DCLK2: variants seen among roughly 807,000 people sequenced by gnomAD.
The protein encoded by DCLK2 is serine/threonine-protein kinase DCLK2.
DCLK2 carries 31 observed loss-of-function variants against 78.4 expected under a neutral mutation model. The ratio of observed to expected loss-of-function variants is 0.40; its 90% CI spans 0.30 to 0.53. The LOEUF (loss-of-function observed/expected upper bound fraction) is 0.53, where lower values mean the gene tolerates loss of function less well. Among genes scored for constraint, DCLK2 ranks in the 20% least tolerant of loss-of-function variants. DCLK2 has a pLI of 0.61. For synonymous variants in DCLK2, 407 were observed against 374.9 expected (o/e 1.09, Z -0.99); for missense variants, 872 against 973.7 (o/e 0.90, Z 1.39).
At chr4:150,159,558 G>A (rs1304207778) in intron 2 of DCLK2, among the ~76,000 whole-genome samples, 1 of 152,246 alleles carries the variant, frequency 6.6e-6, no homozygotes, top group Non-Finnish European at 1.5e-5. Flanking sequence ...GAAAAGCTGA[G>A]AGTGTGGGCT....
chr4:150,157,509 GT>G (rs1560819983), intron 2 of DCLK2, among the ~76,000 whole-genome samples: 1 of 92,170 alleles, frequency 1.1e-5, no homozygotes, highest in Non-Finnish European at 2.6e-5. Context: ...TTGTTTGTTT[GT>G]TTGTTTGTTT....
chr4:150,148,962 A>G (rs1734681433), intron 2 of DCLK2, among the ~76,000 whole-genome samples: 1 of 149,838 alleles, frequency 6.7e-6, no homozygotes, highest in Non-Finnish European at 1.5e-5. Context: ...AACTTTAACC[A>G]TGGAGGCAGA....
At chr4:150,149,743 G>C (rs947454002) in intron 2 of DCLK2, among the ~76,000 whole-genome samples, 3 of 152,140 alleles carry the variant, frequency 2.0e-5, no homozygotes, top group African/African-American at 7.2e-5. Flanking sequence ...AATGTCTCTT[G>C]CTCTGTTTTG....
chr4:150,172,586 C>T (rs1736616586), intron 2 of DCLK2, among the ~76,000 whole-genome samples: 1 of 111,392 alleles, frequency 9.0e-6, no homozygotes, highest in South Asian at 2.9e-4. Context: ...CAGCCTGGGG[C>T]AACAGAGCAA....
At chr4:150,165,262 T>C (rs1327679947) in intron 2 of DCLK2, among the ~76,000 whole-genome samples, 1 of 152,236 alleles carries the variant, frequency 6.6e-6, no homozygotes, top group Non-Finnish European at 1.5e-5. Context: ...TTCTGATCTT[T>C]GTCTGCCTTT....
intron 3 of DCLK2, among the ~76,000 whole-genome samples, chr4:150,194,276 T>C (rs1226973861): frequency 6.6e-6 from 1 of 152,152 alleles, no homozygotes; most frequent in Non-Finnish European, 1.5e-5. Context: ...CCAGGAGCAA[T>C]AGACTATACC....
chr4:150,138,554 AT>A (rs572353933), intron 2 of DCLK2, among the ~76,000 whole-genome samples: 14 of 152,316 alleles, frequency 9.2e-5, no homozygotes, highest in African/African-American at 3.4e-4. Flanking sequence ...CAAAAAAAAT[AT>A]TTTTTGACCT....
chr4:150,199,169 G>GAAT (rs1427308267), intron 4 of DCLK2: 3 of 1,185,174 alleles, frequency 2.5e-6, no homozygotes, highest in Non-Finnish European at 3.6e-6. Flanking sequence ...CCATTTCCAT[G>GAAT]AATGTATCTG....
chr4:150,131,672 C>G (rs544779975), intron 2 of DCLK2, among the ~76,000 whole-genome samples: 3 of 152,182 alleles, frequency 2.0e-5, no homozygotes, highest in South Asian at 2.1e-4. Context: ...AGTCACTGTT[C>G]CTTGTCAAAA....
intron 2 of DCLK2, among the ~76,000 whole-genome samples, chr4:150,191,688 A>G (rs960306513): frequency 6.6e-6 from 1 of 152,170 alleles, no homozygotes; most frequent in African/African-American, 2.4e-5. Context: ...CTTGAAGAGA[A>G]TTGGAACAAA....
chr4:150,188,697 C>T (rs1036622363), intron 2 of DCLK2, among the ~76,000 whole-genome samples: 4 of 151,666 alleles, frequency 2.6e-5, no homozygotes, highest in Non-Finnish European at 5.9e-5. Context: ...GTCAGGAGAT[C>T]GAGACCATCC....
In DCLK2 at chr4:150,256,298, T is replaced by C. The variant is rs1424256072; in HGVS notation, c.*51T>C. ...CTGCTGCAGCCCAGGAAGCCAGCCC[T>C]CTGCTCGGCCTCGCCGGCCTCCCTG... On this transcript the variant is annotated 3_prime_UTR_variant, in exon 16 of 16. Transcript: ENST00000296550. The C allele has an allele frequency of 5.5e-6, 8 of 1,453,026 alleles. No homozygotes were observed. Among genetic ancestry groups the C allele is most frequent in the Non-Finnish European group, 7.2e-6 (8 of 1,106,668 alleles). 90.0% of individuals were successfully genotyped at this position (1,453,026 alleles called of 1,614,324 possible).
At chr4:150,193,658 T>C (rs1347585040) in intron 3 of DCLK2, among the ~76,000 whole-genome samples, 1 of 152,212 alleles carries the variant, frequency 6.6e-6, no homozygotes, top group Non-Finnish European at 1.5e-5. Flanking sequence ...TAAGGAAATC[T>C]ATATTAAAAA....
chr4:150,166,127 G>GTCT (rs1736053251), intron 2 of DCLK2, among the ~76,000 whole-genome samples: 1 of 152,070 alleles, frequency 6.6e-6, no homozygotes, highest in South Asian at 2.1e-4. Context: ...GACACCAGGT[G>GTCT]TCCGAGTTTG....
At chr4:150,128,430 T>C (rs1298748403) in intron 2 of DCLK2, among the ~76,000 whole-genome samples, 1 of 152,152 alleles carries the variant, frequency 6.6e-6, no homozygotes, top group Non-Finnish European at 1.5e-5. Flanking sequence ...GCGCATACAA[T>C]GCATTTCCAA....
chr4:150,173,006 G>A (rs372769111), intron 2 of DCLK2, among the ~76,000 whole-genome samples: 3 of 152,296 alleles, frequency 2.0e-5, no homozygotes. Flanking sequence ...TAGGCCTCAT[G>A]TGAATGCTAG....
chr4:150,127,263 C>T lies in DCLK2; in HGVS notation c.756+24451C>T, dbSNP rs148692019. ...ACCTTGTTTCTCATCATACTTTCAC[C>T]CGTTAATGTTGGTATCCACTCATGG... On this transcript the variant is annotated intron_variant, in intron 2 of 15. Coordinates refer to ENST00000296550, the MANE Select transcript of DCLK2 (RefSeq NM_001040260.4). 3.9e-5 allele frequency among the ~76,000 whole-genome samples: 6 copies of T among 152,206 alleles called. No homozygotes were observed. In the East Asian group the frequency reaches 1.2e-3, roughly 29 times the overall value.
chr4:150,202,629 C>T lies in DCLK2; in HGVS notation c.962-1166C>T, dbSNP rs79828714. 3.6e-3 allele frequency among the ~76,000 whole-genome samples: 551 copies of T among 152,110 alleles called. 4 individuals are homozygous for T. The highest frequency in any genetic ancestry group is 0.012 in the African/African-American group (517 of 41,498). On this transcript the variant is annotated intron_variant, in intron 4 of 15. Coordinates refer to ENST00000296550, the MANE Select transcript of DCLK2 (RefSeq NM_001040260.4). ...TTACCTGTGCATTTGGTTTTTTATACTTATTAGTGTGATTTAAAATAATAG... is the reference window on the plus strand; with the variant it reads ...TTACCTGTGCATTTGGTTTTTTATATTTATTAGTGTGATTTAAAATAATAG...
chr4:150,235,098 G>A (rs909680416), intron 10 of DCLK2, among the ~76,000 whole-genome samples: 5 of 152,098 alleles, frequency 3.3e-5, no homozygotes, highest in African/African-American at 1.2e-4. Flanking sequence ...GGGAGCCACA[G>A]GTTCCCAAGG....
Sources: gnomAD v4.1 joint callset for allele counts (sites outside exome capture counted in the v4.1 genomes callset) on GRCh38, gnomAD v4.1.1 for gene constraint, MANE v1.5 for transcripts, NCBI Gene and HGNC (gene_info 2026-07-23, HGNC 2026-07-21) for gene names.